The following REPS2 variants were observed in gnomAD, a reference collection of about 807,000 sequenced individuals.
The protein encoded by REPS2 is ralBP1-associated Eps domain-containing protein 2.
In REPS2, 23 loss-of-function variants were observed where a neutral mutation model predicts 53.6. The ratio of observed to expected loss-of-function variants is 0.43; its 90% CI spans 0.31 to 0.61. The LOEUF (loss-of-function observed/expected upper bound fraction) is 0.61. Ranked by LOEUF, REPS2 falls within the 20% of genes least tolerant of loss-of-function variation. The probability of loss-of-function intolerance (pLI) is 0.11; values close to 1 mark genes in which losing one functional copy is unlikely to be tolerated. For missense variants in REPS2, 446 were observed against 534.9 expected, an observed-to-expected ratio of 0.83 and a Z score of 1.64; for synonymous variants, 238 against 218.6, an observed-to-expected ratio of 1.09 and a Z score of -0.78.
chrX:17,078,158 T>G (rs577898844), intron 13 of REPS2, among the ~76,000 whole-genome samples: 1 of 112,367 alleles, frequency 8.9e-6, no homozygotes, highest in South Asian at 3.7e-4. Context: ...CAAGTGTTAT[T>G]TTGGGAGCAG....
At chrX:17,046,667 G>A (rs780616186) in intron 5 of REPS2, among the ~76,000 whole-genome samples, 1 of 112,311 alleles carries the variant, frequency 8.9e-6, no homozygotes, top group Non-Finnish European at 1.9e-5. Flanking sequence ...GGTTTTCTAG[G>A]CTCTTAAATC....
Position 17,148,865 on chromosome X carries a change from G to T in REPS2, c.*1384G>T. The T allele has an allele frequency of 2.7e-6, 1 of 368,354 alleles. No homozygotes were observed. The highest frequency in any genetic ancestry group is 2.4e-5 in the South Asian group (1 of 41,333). The allele number at this position is 368,354 out of a possible 1,213,427, so 30.4% of individuals were successfully genotyped here. A position where few individuals can be genotyped will look rare whatever the true frequency, so the allele number is the denominator to read the frequency against. Reference sequence around the variant, plus strand: ...CCATTCTTAGGGTAGCAGGGTGGGGGTGTATAGGGTCTTTTTGAAGCAGTT... The same window carrying T: ...CCATTCTTAGGGTAGCAGGGTGGGGTTGTATAGGGTCTTTTTGAAGCAGTT... On this transcript the variant is annotated 3_prime_UTR_variant, in exon 18 of 18. Coordinates refer to ENST00000357277, the MANE Select transcript of REPS2 (RefSeq NM_004726.3).
intron 13 of REPS2, among the ~76,000 whole-genome samples, chrX:17,098,546 C>T (rs1161850980): frequency 1.8e-5 from 2 of 111,592 alleles, no homozygotes; most frequent in African/African-American, 3.3e-5. Context: ...ACTGATGGAT[C>T]TCATGACTCA....
intron 1 of REPS2, among the ~76,000 whole-genome samples, chrX:16,992,087 T>C (rs1313887344): frequency 8.9e-6 from 1 of 111,876 alleles, no homozygotes; most frequent in Non-Finnish European, 1.9e-5. Flanking sequence ...TGAATATTTG[T>C]GTCTCCCCCA....
the REPS2 span, among the ~76,000 whole-genome samples, chrX:17,172,077 T>C: frequency 3.6e-5 from 4 of 111,934 alleles, no homozygotes; most frequent in Non-Finnish European, 7.5e-5. Flanking sequence ...TCCCATTTTA[T>C]AGATGAGGAA....
chrX:17,094,548 T>C (rs1411884973), intron 13 of REPS2, among the ~76,000 whole-genome samples: 1 of 112,294 alleles, frequency 8.9e-6, no homozygotes, highest in Non-Finnish European at 1.9e-5. Context: ...TTTCCTGCTG[T>C]TTTCTCTGTT....
At chrX:17,036,787 C>T (rs1333397738) in intron 5 of REPS2, among the ~76,000 whole-genome samples, 1 of 110,894 alleles carries the variant, frequency 9.0e-6, no homozygotes, top group Non-Finnish European at 1.9e-5. Flanking sequence ...GTTCCTTTCA[C>T]TGAAATGGGT....
intron 16 of REPS2, 48 bp downstream of exon 16, chrX:17,135,454 A>G: frequency 8.7e-7 from 1 of 1,149,545 alleles, no homozygotes; most frequent in Non-Finnish European, 1.2e-6. Flanking sequence ...TCGCTCTGAG[A>G]TGTCGACGGA....
intron 2 of REPS2, among the ~76,000 whole-genome samples, chrX:17,016,605 C>T (rs1432337450): frequency 9.1e-6 from 1 of 110,360 alleles, no homozygotes; most frequent in Non-Finnish European, 1.9e-5. Context: ...GATGGGGTTT[C>T]ACCATGTTGG....
chrX:17,015,731 G>T (rs1285164294), intron 2 of REPS2, among the ~76,000 whole-genome samples: 1 of 111,582 alleles, frequency 9.0e-6, no homozygotes, highest in Non-Finnish European at 1.9e-5. Context: ...TCCCTACAAA[G>T]GACATGAACT....
chrX:17,185,451 GC>G, the REPS2 span, among the ~76,000 whole-genome samples: 8 of 111,620 alleles, frequency 7.2e-5, no homozygotes, highest in African/African-American at 2.3e-4. Context: ...ATTTTATCAT[GC>G]CCCCATTGGA....
rs1449475218 is a variant in REPS2, at chrX:17,001,385, G to T, written c.274-4836G>T. On this transcript the variant is annotated intron_variant, in intron 1 of 17. Coordinates refer to ENST00000357277, the MANE Select transcript of REPS2 (RefSeq NM_004726.3). The stretch of plus-strand genomic sequence containing the variant: ...GCTGTGTACCTCTCACTATATCTCA[G>T]TATCACCTGTGTGGTGTTCTTGCCA... Among the ~76,000 whole-genome samples the T allele has an allele frequency of 3.6e-5, 4 of 112,468 alleles. No individual in the cohort carries two copies. The East Asian group carries it at 1.1e-3, about 31-fold the overall frequency.
In REPS2 at chrX:17,040,852, G is replaced by A. The variant is rs778162516; in HGVS notation, c.772-6495G>A. On this transcript the variant is annotated intron_variant, in intron 5 of 17. Coordinates refer to ENST00000357277, the MANE Select transcript of REPS2 (RefSeq NM_004726.3). Reference sequence around the variant, plus strand: ...GAGAAAGTTGTTTGGGCTCATAATGGTCTAATGTCATTGGTCAGATTGCAA... The same window carrying A: ...GAGAAAGTTGTTTGGGCTCATAATGATCTAATGTCATTGGTCAGATTGCAA... Among the ~76,000 whole-genome samples the A allele has an allele frequency of 1.8e-4, 20 of 111,953 alleles. No homozygotes were observed. In the Middle Eastern group the frequency reaches 0.019, roughly 104 times the overall value.
chrX:16,992,043 A>G (rs1381430509), intron 1 of REPS2, among the ~76,000 whole-genome samples: 2 of 111,382 alleles, frequency 1.8e-5, no homozygotes, highest in Non-Finnish European at 3.8e-5. Flanking sequence ...CCAATATACT[A>G]TGCTTTTGAT....
chrX:17,166,288 G>A, the REPS2 span, among the ~76,000 whole-genome samples: 1 of 111,458 alleles, frequency 9.0e-6, no homozygotes, highest in Non-Finnish European at 1.9e-5. Context: ...AAGAATTATA[G>A]TGGCTAAGAC....
chrX:16,971,430 T>C (rs369000648), intron 1 of REPS2, among the ~76,000 whole-genome samples: 2 of 112,671 alleles, frequency 1.8e-5, no homozygotes, highest in Admixed American at 9.4e-5. Context: ...TTTAGTCATC[T>C]ATCAGATAAA....
chrX:17,159,602 GCCTCACTC>G, the REPS2 span, among the ~76,000 whole-genome samples: 1 of 111,468 alleles, frequency 9.0e-6, no homozygotes, highest in South Asian at 3.8e-4. Flanking sequence ...GCTTCTCTGT[GCCTCACTC>G]CATCATCTAT....
chrX:17,054,272 T>C (rs986184637), intron 7 of REPS2, among the ~76,000 whole-genome samples: 1 of 112,229 alleles, frequency 8.9e-6, no homozygotes, highest in African/African-American at 3.2e-5. Flanking sequence ...CAGGAGGGAG[T>C]TCTCAAGCAA....
At chrX:17,125,666 TG>T (rs2063199352) in intron 14 of REPS2, among the ~76,000 whole-genome samples, 2 of 112,660 alleles carry the variant, frequency 1.8e-5, no homozygotes, top group South Asian at 7.3e-4. Context: ...CTTGAAGATT[TG>T]GGGAATACCT....
Sources: allele counts gnomAD v4.1 joint callset (sites outside exome capture counted in the v4.1 genomes callset), GRCh38; gene constraint gnomAD v4.1.1; transcripts MANE v1.5; gene names NCBI Gene and HGNC (gene_info 2026-07-23, HGNC 2026-07-21).